Variants in NUMB observed in about 807,000 individuals in gnomAD.
The protein encoded by NUMB is protein numb homolog.
A neutral mutation model predicts 59.7 loss-of-function variants in NUMB; 29 were observed. That is an observed-to-expected ratio of 0.49 (90% CI 0.36 to 0.66). NUMB has a LOEUF of 0.66. NUMB is among the 30% of genes least tolerant of loss of function. The pLI is 0.00. For missense variants in NUMB, 723 were observed against 822.0 expected (o/e 0.88, Z 1.47); for synonymous variants, 288 against 288.2 (o/e 1.00, Z 0.01).
chr14:73,300,525 G>A (rs529733171), intron 6 of NUMB, among the ~76,000 whole-genome samples: 2 of 152,250 alleles, frequency 1.3e-5, no homozygotes, highest in East Asian at 1.9e-4. Flanking sequence ...GAACCAAGCT[G>A]TTGTTTGGAT....
At chr14:73,371,791 T>A (rs867435396) in intron 2 of NUMB, among the ~76,000 whole-genome samples, 9 of 152,172 alleles carry the variant, frequency 5.9e-5, no homozygotes, top group Admixed American at 1.3e-4. Context: ...AGACACTGTG[T>A]TCCTCTTCTC....
At chr14:73,293,047 T>A (rs1217191174) in intron 7 of NUMB, among the ~76,000 whole-genome samples, 173 bp from the exon 8 acceptor site, 1 of 152,182 alleles carries the variant, frequency 6.6e-6, no homozygotes, top group Non-Finnish European at 1.5e-5. Flanking sequence ...TCAGCAGACA[T>A]CCCAAGAGGC....
intron 1 of NUMB, among the ~76,000 whole-genome samples, chr14:73,420,484 G>C (rs747825693): frequency 3.3e-5 from 5 of 152,002 alleles, no homozygotes; most frequent in Non-Finnish European, 7.4e-5. Flanking sequence ...TGTGTGTATA[G>C]GTGTGTGTAG....
chr14:73,352,701 AT>A lies in NUMB; in HGVS notation c.126+2924del, dbSNP rs71112736. ...AGGCGCCCGCCACCACGTCCAGCTA[AT>A]TTTTTTTTTTTTTGTATTTTTAGTA... On this transcript the variant is annotated intron_variant, in intron 4 of 12. Coordinates refer to ENST00000555238, the MANE Select transcript of NUMB (RefSeq NM_001005743.2). Among the ~76,000 whole-genome samples, 118 of 132,140 alleles carry A rather than the reference AT, an allele frequency of 8.9e-4. No individual in the cohort carries two copies. The South Asian group carries it at 9.2e-3, about 10-fold the overall frequency. The allele number at this position is 132,140 out of a possible 152,430, so 86.7% of individuals were successfully genotyped here. A position where few individuals can be genotyped will look rare whatever the true frequency, so the allele number is the denominator to read the frequency against.
intron 1 of NUMB, among the ~76,000 whole-genome samples, chr14:73,418,450 A>G (rs1897219594): frequency 6.6e-6 from 1 of 152,198 alleles, no homozygotes; most frequent in Non-Finnish European, 1.5e-5. Context: ...ACTGAATGCC[A>G]CTGAACTGTA....
chr14:73,367,796 G>A (rs1319545837), intron 2 of NUMB, among the ~76,000 whole-genome samples: 2 of 142,242 alleles, frequency 1.4e-5, no homozygotes, highest in Non-Finnish European at 1.5e-5. Flanking sequence ...AAAAAAAGAT[G>A]GATTCGTGTG....
At chr14:73,370,025 T>G (rs1355206211) in intron 2 of NUMB, among the ~76,000 whole-genome samples, 1 of 152,198 alleles carries the variant, frequency 6.6e-6, no homozygotes, top group African/African-American at 2.4e-5. Flanking sequence ...ATATTGTCTA[T>G]GAAATTCATC....
intron 2 of NUMB, among the ~76,000 whole-genome samples, chr14:73,369,164 C>A (rs1215004421): frequency 2.0e-5 from 3 of 151,888 alleles, no homozygotes; most frequent in Non-Finnish European, 4.4e-5. Context: ...GCCTCGGCCT[C>A]CTGAGTAGCT....
intron 1 of NUMB, among the ~76,000 whole-genome samples, chr14:73,421,691 G>A (rs1402252650): frequency 6.6e-6 from 1 of 152,044 alleles, no homozygotes; most frequent in Non-Finnish European, 1.5e-5. Flanking sequence ...TTCTAAAACA[G>A]TGAACAACTC....
intron 6 of NUMB, among the ~76,000 whole-genome samples, chr14:73,305,580 G>A (rs1049239016): frequency 2.6e-5 from 4 of 152,178 alleles, no homozygotes; most frequent in Admixed American, 1.3e-4. Context: ...GAGCAAAAGG[G>A]TTAAGCAGAT....
intron 3 of NUMB, among the ~76,000 whole-genome samples, chr14:73,366,641 A>C (rs11850566): frequency 0.08 from 12,234 of 152,258 alleles, 1,470 homozygotes; most frequent in African/African-American, 0.26. Context: ...GTAAATGAAG[A>C]GGCTAAAGGA....
intron 1 of NUMB, among the ~76,000 whole-genome samples, chr14:73,419,365 C>T (rs1897262133): frequency 6.6e-6 from 1 of 152,124 alleles, no homozygotes; most frequent in Non-Finnish European, 1.5e-5. Context: ...AAAAAACTAG[C>T]TGGGTGTGGT....
At chr14:73,452,066 A>C (rs10132481) in intron 1 of NUMB, among the ~76,000 whole-genome samples, 36,035 of 147,422 alleles carry the variant, frequency 0.24, 5,172 homozygotes, top group East Asian at 0.69. Context: ...TCTACCCCCC[A>C]AAAAAAAAAC....
At chr14:73,382,914 G>C (rs1431254538) in intron 2 of NUMB, among the ~76,000 whole-genome samples, 2 of 152,234 alleles carry the variant, frequency 1.3e-5, no homozygotes, top group African/African-American at 4.8e-5. Context: ...GGGAGGCTGA[G>C]GTGGGCAGAT....
At position 73,277,185 on chromosome 14, in the gene NUMB, C is replaced by T. The variant is rs772506604; in HGVS notation, c.1349G>A (p.Ser450Asn). ...ADRWLEEVSK[S>N]VRAQQPQASA... is the part of the protein sequence containing the mutation. ...GGCCTGGGGCTGCTGAGCCCGGACG[C>T]TCTTAGACACCTCTTCTAACCATCG... Residue 450 changes from serine to asparagine, a missense_variant, in exon 13 of 13, where the codon AGC becomes AAC. Ser to Asn is a conservative substitution (Grantham distance 46). This residue lies in a region of NUMB where 406 missense variants were observed against 385.4 expected (regional missense o/e 1.05). Coordinates refer to ENST00000555238, the MANE Select transcript of NUMB (RefSeq NM_001005743.2). 8.7e-6 allele frequency: 14 copies of T among 1,614,052 alleles called. No homozygotes were observed. The highest frequency in any genetic ancestry group is 1.1e-5 in the Non-Finnish European group (13 of 1,180,034).
Position 73,372,305 on chromosome 14 carries a change from T to TTTTATA in NUMB, c.-100-5325_-100-5324insTATAAA, listed in dbSNP as rs375615684. ...AAGTTGGAATATATATATATTTCTT[T>TTTTATA]TATATATATATATATATATATATAT... On this transcript the variant is annotated intron_variant, in intron 2 of 12. Coordinates refer to ENST00000555238, the MANE Select transcript of NUMB (RefSeq NM_001005743.2). Among the ~76,000 whole-genome samples, 214 of 85,982 alleles carry TTTTATA rather than the reference T, an allele frequency of 2.5e-3. 1 individual carries two copies. Among genetic ancestry groups the TTTTATA allele is most frequent in the African/African-American group, 9.1e-3 (201 of 22,106 alleles). The allele number at this position is 85,982 out of a possible 152,430, so 56.4% of individuals were successfully genotyped here. A position where few individuals can be genotyped will look rare whatever the true frequency, so the allele number is the denominator to read the frequency against.
chr14:73,326,928 A>ACAGC (rs984248313), intron 4 of NUMB, among the ~76,000 whole-genome samples: 3 of 149,058 alleles, frequency 2.0e-5, no homozygotes, highest in African/African-American at 7.7e-5. Context: ...AGTCATACAC[A>ACAGC]CAGCTAGTCA....
intron 1 of NUMB, among the ~76,000 whole-genome samples, chr14:73,411,009 T>C (rs551128459): frequency 8.5e-5 from 13 of 152,258 alleles, no homozygotes; most frequent in Admixed American, 3.9e-4. Flanking sequence ...TTATAATATA[T>C]GGGAGGAAGA....
chr14:73,314,814 G>A (rs555871366), intron 6 of NUMB, among the ~76,000 whole-genome samples: 9 of 151,920 alleles, frequency 5.9e-5, no homozygotes, highest in East Asian at 5.8e-4. Flanking sequence ...TAATTGTGGC[G>A]ATGTGTAATT....
Sources: allele counts gnomAD v4.1 joint callset (sites outside exome capture counted in the v4.1 genomes callset), GRCh38; gene constraint gnomAD v4.1.1; regional missense constraint gnomAD v4.1.1; transcripts MANE v1.5; gene names NCBI Gene and HGNC (gene_info 2026-07-23, HGNC 2026-07-21).